Variants in MB21D2 observed in about 807,000 individuals in gnomAD.
MB21D2 encodes the protein nucleotidyltransferase MB21D2.
A neutral mutation model predicts 33.3 loss-of-function variants in MB21D2; 9 were observed. The observed-to-expected ratio is 0.27, with a 90% CI of 0.16 to 0.47. The LOEUF (loss-of-function observed/expected upper bound fraction) is 0.47. Ranked by LOEUF, MB21D2 falls within the 20% of genes least tolerant of loss-of-function variation. MB21D2 has a pLI of 0.99. For synonymous variants in MB21D2, 241 were observed against 236.3 expected (o/e 1.02, Z -0.18); for missense variants, 540 against 624.6 (o/e 0.86, Z 1.44).
intron 1 of MB21D2, among the ~76,000 whole-genome samples, chr3:192,867,892 T>C (rs552491658): frequency 5.9e-5 from 9 of 152,172 alleles, no homozygotes; most frequent in Admixed American, 4.6e-4. Context: ...AAGGCTGTCA[T>C]GCTATGAGAA....
In MB21D2 at chr3:192,799,851, A is replaced by G. The variant is rs1711518136; in HGVS notation, c.212-201T>C. ...CCACCCTTTTCCAAATGCAAGAATT[A>G]TGATAGATTTTTCTCTCTCAGTGTG... On this transcript the variant is annotated intron_variant, in intron 1 of 1. Coordinates refer to ENST00000392452, the MANE Select transcript of MB21D2 (RefSeq NM_178496.4). The surrounding 1 kb of genome is among the most constrained non-coding windows in gnomAD (Gnocchi z 4.1). Among the ~76,000 whole-genome samples the G allele has an allele frequency of 6.6e-6, 1 of 152,196 alleles. No individual in the cohort carries two copies. Among genetic ancestry groups the G allele is most frequent in the African/African-American group, 2.4e-5 (1 of 41,442 alleles).
intron 1 of MB21D2, among the ~76,000 whole-genome samples, chr3:192,880,371 T>C (rs758034417): frequency 1.3e-5 from 2 of 151,768 alleles, no homozygotes; most frequent in Non-Finnish European, 2.9e-5. Context: ...TAAAATAAAA[T>C]CCACTGTTTC....
chr3:192,896,958 A>G (rs1019415489), intron 1 of MB21D2, among the ~76,000 whole-genome samples: 3 of 152,170 alleles, frequency 2.0e-5, no homozygotes, highest in Non-Finnish European at 1.5e-5. Flanking sequence ...AGTGAGGGAA[A>G]ACCTATGGTT....
chr3:192,912,023 C>G (rs1409360845), intron 1 of MB21D2, among the ~76,000 whole-genome samples: 1 of 152,152 alleles, frequency 6.6e-6, no homozygotes, highest in African/African-American at 2.4e-5. Context: ...CAATCAAACA[C>G]TGGAAAGGTA....
intron 1 of MB21D2, among the ~76,000 whole-genome samples, chr3:192,907,085 A>C (rs372886886): frequency 1.3e-5 from 2 of 152,336 alleles, no homozygotes; most frequent in East Asian, 3.9e-4. Flanking sequence ...TGAATTCATG[A>C]AAAGGCACTT....
intron 1 of MB21D2, among the ~76,000 whole-genome samples, chr3:192,862,587 A>G (rs1342242054): frequency 6.6e-6 from 1 of 152,172 alleles, no homozygotes; most frequent in Non-Finnish European, 1.5e-5. Flanking sequence ...TGTGTCCTGC[A>G]AAACAGGTAT....
At chr3:192,905,148 G>T (rs1444461709) in intron 1 of MB21D2, among the ~76,000 whole-genome samples, 1 of 152,210 alleles carries the variant, frequency 6.6e-6, no homozygotes, top group Non-Finnish European at 1.5e-5. Flanking sequence ...CTAAAACAGT[G>T]CTTACAGCTG....
chr3:192,911,187 G>A (rs1372062454), intron 1 of MB21D2, among the ~76,000 whole-genome samples: 1 of 152,020 alleles, frequency 6.6e-6, no homozygotes, highest in African/African-American at 2.4e-5. Flanking sequence ...CCACTCACTT[G>A]CTGGTAAACT....
intron 1 of MB21D2, among the ~76,000 whole-genome samples, chr3:192,904,995 T>C (rs997578148): frequency 4.6e-5 from 7 of 152,196 alleles, no homozygotes; most frequent in Admixed American, 3.9e-4. Context: ...AAATCAAAAC[T>C]GTGTGAAAAG....
chr3:192,823,890 CAT>C (rs988780331), intron 1 of MB21D2, among the ~76,000 whole-genome samples: 4 of 152,022 alleles, frequency 2.6e-5, no homozygotes, highest in African/African-American at 9.7e-5. Context: ...CATGCCAAAA[CAT>C]AGCAGAAATA....
At chr3:192,802,803 CT>C (rs1451498969) in intron 1 of MB21D2, among the ~76,000 whole-genome samples, 1 of 152,180 alleles carries the variant, frequency 6.6e-6, no homozygotes, top group Non-Finnish European at 1.5e-5. Flanking sequence ...TTCAAACATC[CT>C]TTCATTCTAC....
intron 1 of MB21D2, among the ~76,000 whole-genome samples, chr3:192,910,037 T>C (rs1714311762): frequency 6.6e-6 from 1 of 150,944 alleles, no homozygotes. Flanking sequence ...GGGTGTATGT[T>C]ACATGACAAT....
Position 192,799,619 on chromosome 3 carries a change from T to C in MB21D2, c.243A>G (p.Pro81=), listed in dbSNP as rs781473373. 14 of 1,613,812 alleles carry C rather than the reference T, an allele frequency of 8.7e-6. No individual in the cohort carries two copies. Among genetic ancestry groups the C allele is most frequent in the Non-Finnish European group, 8.5e-7 (1 of 1,179,918 alleles). ...AGAGCAACAGGTATTCATTAGCCAC[T>C]GGAAGCTTTTGGTCCAGCTTTTGCA... The part of the protein sequence containing the change: ...GMVQKLDQKL[P]VANEYLLLSG... Residue 81 remains proline (P), a synonymous_variant, in exon 2 of 2, where the codon CCA becomes CCG. Transcript: ENST00000392452. The surrounding 1 kb of genome is among the most constrained non-coding windows in gnomAD (Gnocchi z 4.1).
intron 1 of MB21D2, among the ~76,000 whole-genome samples, chr3:192,862,243 A>C (rs1713063760): frequency 2.0e-5 from 3 of 152,182 alleles, no homozygotes; most frequent in Admixed American, 6.5e-5. Flanking sequence ...TGAGGTAAGG[A>C]AACTATAGAC....
At chr3:192,857,597 C>T (rs926058157) in intron 1 of MB21D2, among the ~76,000 whole-genome samples, 4 of 152,044 alleles carry the variant, frequency 2.6e-5, no homozygotes, top group African/African-American at 4.8e-5. Flanking sequence ...CGTGACTACT[C>T]CACGTGTACA....
intron 1 of MB21D2, among the ~76,000 whole-genome samples, chr3:192,913,197 AC>A (rs1714391905): frequency 6.6e-6 from 1 of 152,046 alleles, no homozygotes; most frequent in Admixed American, 6.6e-5. Context: ...GGGGTGTGAG[AC>A]CAGCCTGGGC....
At chr3:192,826,443 G>T (rs1712175358) in intron 1 of MB21D2, among the ~76,000 whole-genome samples, 1 of 152,194 alleles carries the variant, frequency 6.6e-6, no homozygotes, top group Admixed American at 6.5e-5. Context: ...TTGCCAGTTG[G>T]TATTTTGCCA....
chr3:192,798,983 C>T lies in MB21D2; in HGVS notation c.879G>A (p.Arg293=). The change falls in exon 2 of 2, where the codon AGG becomes AGA. Residue 293 remains arginine (R), a synonymous_variant. Coordinates refer to ENST00000392452, the MANE Select transcript of MB21D2 (RefSeq NM_178496.4). The surrounding 1 kb of genome is among the most constrained non-coding windows in gnomAD (Gnocchi z 4.8). The stretch of plus-strand genomic sequence containing the variant: ...TGCACTTCTTCAACTGCACCTCGCT[C>T]CTGGCAAAGGACAGCCGCCATTCAT... ...KDNEWRLSFA[R]SEVQLKKCIS... is the part of the protein sequence containing the mutation. 1 of 1,614,084 alleles carries T rather than the reference C, an allele frequency of 6.2e-7. No individual in the cohort carries two copies. The highest frequency in any genetic ancestry group is 8.5e-7 in the Non-Finnish European group (1 of 1,180,010).
intron 1 of MB21D2, among the ~76,000 whole-genome samples, chr3:192,819,023 T>C (rs550660660): frequency 6.6e-6 from 1 of 151,880 alleles, no homozygotes; most frequent in African/African-American, 2.4e-5. Flanking sequence ...GAACTGCCAA[T>C]GGAAATGCTC....
Sources: gnomAD v4.1 joint callset for allele counts (sites outside exome capture counted in the v4.1 genomes callset) on GRCh38, gnomAD v4.1.1 for gene constraint, Gnocchi (gnomAD v3.1) non-coding constraint, MANE v1.5 for transcripts, NCBI Gene and HGNC (gene_info 2026-07-23, HGNC 2026-07-21) for gene names.